DLC1: variants seen among roughly 807,000 people sequenced by gnomAD.
DLC1 encodes DLC1 Rho GTPase activating protein.
In DLC1, 54 loss-of-function variants were observed where a neutral mutation model predicts 140.3. That is an observed-to-expected ratio of 0.38 (90% confidence interval 0.31 to 0.48). DLC1 has a LOEUF of 0.48. DLC1 is among the 20% of genes least tolerant of loss of function. The pLI is 0.96. For synonymous variants in DLC1, 986 were observed against 728.1 expected, an observed-to-expected ratio of 1.35 and a Z score of -5.70; for missense variants, 2,536 against 1,907.0, an observed-to-expected ratio of 1.33 and a Z score of -6.14.
At chr8:13,488,907 T>G (rs1437021059) in intron 2 of DLC1, among the ~76,000 whole-genome samples, 1 of 152,188 alleles carries the variant, frequency 6.6e-6, no homozygotes. Flanking sequence ...TAATAAATAT[T>G]TAGCCAACGA....
chr8:13,233,642 T>C (rs1829155256), intron 5 of DLC1, among the ~76,000 whole-genome samples: 1 of 152,188 alleles, frequency 6.6e-6, no homozygotes, highest in Non-Finnish European at 1.5e-5. Context: ...TCATAGTCAA[T>C]ATGTACCACA....
intron 2 of DLC1, among the ~76,000 whole-genome samples, chr8:13,454,500 G>A (rs1799301947): frequency 6.6e-6 from 1 of 152,120 alleles, no homozygotes. Flanking sequence ...GTTAGACTTG[G>A]AACAAATGTG....
intron 1 of DLC1, among the ~76,000 whole-genome samples, chr8:13,511,768 A>T (rs1354854748): frequency 2.0e-5 from 3 of 152,098 alleles, no homozygotes; most frequent in African/African-American, 7.2e-5. Context: ...CCTGATCTAG[A>T]TCTTGGTCAT....
chr8:13,504,255 T>C (rs1401209878), intron 1 of DLC1, among the ~76,000 whole-genome samples: 3 of 151,166 alleles, frequency 2.0e-5, no homozygotes, highest in Non-Finnish European at 4.4e-5. Flanking sequence ...GCCTCCCGAG[T>C]AGCTGGGATT....
chr8:13,373,427 C>G (rs994622281), intron 4 of DLC1, among the ~76,000 whole-genome samples: 4 of 152,040 alleles, frequency 2.6e-5, no homozygotes, highest in Non-Finnish European at 5.9e-5. Flanking sequence ...ACAAAGTTGT[C>G]CTTTCTGGGC....
chr8:13,589,490 G>A (rs758017871), intron 1 of DLC1, among the ~76,000 whole-genome samples: 3 of 151,976 alleles, frequency 2.0e-5, no homozygotes, highest in Non-Finnish European at 2.9e-5. Flanking sequence ...GGGGAAAGTT[G>A]GCTTGTGTTG....
At chr8:13,425,419 G>A (rs1213447500) in intron 2 of DLC1, among the ~76,000 whole-genome samples, 1 of 152,106 alleles carries the variant, frequency 6.6e-6, no homozygotes, top group Admixed American at 6.6e-5. Flanking sequence ...AGGAAAACTT[G>A]GAAAACAAAC....
In DLC1 at chr8:13,318,378, A is replaced by T. The variant is rs182803594; in HGVS notation, c.1315-13076T>A. Among the ~76,000 whole-genome samples, 320 of 152,204 alleles carry T rather than the reference A, an allele frequency of 2.1e-3. 3 individuals carry two copies. The highest frequency in any genetic ancestry group is 7.1e-3 in the African/African-American group (293 of 41,522). ...ACTACCAAAGGGATAGTGTTACTATATTATTCTATGTATGAGGAAATGAAG... is the reference window on the plus strand; with the variant it reads ...ACTACCAAAGGGATAGTGTTACTATTTTATTCTATGTATGAGGAAATGAAG... On this transcript the variant is annotated intron_variant, in intron 4 of 17. Coordinates refer to ENST00000276297, the MANE Select transcript of DLC1 (RefSeq NM_182643.3).
chr8:13,320,528 G>A (rs970795360), intron 4 of DLC1, among the ~76,000 whole-genome samples: 1 of 152,128 alleles, frequency 6.6e-6, no homozygotes, highest in African/African-American at 2.4e-5. Context: ...CCACACAACT[G>A]CTATACTCCT....
intron 4 of DLC1, among the ~76,000 whole-genome samples, chr8:13,335,924 G>A (rs961592719): frequency 6.6e-6 from 1 of 151,704 alleles, no homozygotes; most frequent in Non-Finnish European, 1.5e-5. Context: ...CAAGGAATAA[G>A]TTTTCTTTCA....
At chr8:13,141,367 T>C (rs1274990399) in intron 5 of DLC1, among the ~76,000 whole-genome samples, 2 of 150,070 alleles carry the variant, frequency 1.3e-5, no homozygotes, top group African/African-American at 4.9e-5. Context: ...GTAAGTGCAA[T>C]ATATGTATGT....
chr8:13,460,951 C>A (rs538780943), intron 2 of DLC1, among the ~76,000 whole-genome samples: 2 of 152,186 alleles, frequency 1.3e-5, no homozygotes, highest in Non-Finnish European at 1.5e-5. Context: ...CAAGGCTCAT[C>A]CCTGTAATCC....
intron 5 of DLC1, among the ~76,000 whole-genome samples, chr8:13,162,514 G>A (rs1824782743): frequency 1.3e-5 from 2 of 152,244 alleles, no homozygotes; most frequent in African/African-American, 4.8e-5. Flanking sequence ...GTAGAGACGG[G>A]GTTTCACCAT....
chr8:13,344,241 C>T (rs1024660042), intron 4 of DLC1, among the ~76,000 whole-genome samples: 1 of 152,172 alleles, frequency 6.6e-6, no homozygotes, highest in Non-Finnish European at 1.5e-5. Flanking sequence ...TACCTGTAAT[C>T]CCAGCACTTT....
intron 5 of DLC1, among the ~76,000 whole-genome samples, chr8:13,168,375 C>T (rs1825239237): frequency 1.3e-5 from 2 of 152,284 alleles, no homozygotes; most frequent in South Asian, 4.1e-4. Context: ...TCCAGTTGTA[C>T]TTCAGTTCCT....
chr8:13,424,857 C>G (rs906208106), intron 2 of DLC1, among the ~76,000 whole-genome samples: 53 of 152,100 alleles, frequency 3.5e-4, no homozygotes, highest in African/African-American at 1.3e-3. Context: ...ACAGGCATGA[C>G]AAAATTAGTA....
At chr8:13,107,871 C>T (rs1819710608) in intron 7 of DLC1, among the ~76,000 whole-genome samples, 1 of 152,032 alleles carries the variant, frequency 6.6e-6, no homozygotes, top group Admixed American at 6.6e-5. Flanking sequence ...GGTGAAACCC[C>T]ATCTCTACTA....
intron 1 of DLC1, among the ~76,000 whole-genome samples, chr8:13,546,366 C>T (rs541990533): frequency 1.3e-5 from 2 of 152,022 alleles, no homozygotes; most frequent in South Asian, 2.1e-4. Flanking sequence ...TCTTGAAAAA[C>T]TATTTTAATA....
intron 1 of DLC1, among the ~76,000 whole-genome samples, chr8:13,508,334 C>T (rs974966408): frequency 6.6e-6 from 1 of 152,140 alleles, no homozygotes; most frequent in Non-Finnish European, 1.5e-5. Flanking sequence ...TCACTGAGAT[C>T]TTTCTGGGGA....
Sources: gnomAD v4.1 joint callset for allele counts (sites outside exome capture counted in the v4.1 genomes callset) on GRCh38, gnomAD v4.1.1 for gene constraint, MANE v1.5 for transcripts, NCBI Gene and HGNC (gene_info 2026-07-23, HGNC 2026-07-21) for gene names.